POLR1C: variants seen among roughly 807,000 people sequenced by gnomAD.
The protein encoded by POLR1C is DNA-directed RNA polymerases I and III subunit RPAC1.
Under a neutral mutation model 38.3 loss-of-function variants are expected in POLR1C, and 42 were observed. The observed-to-expected ratio is 1.10, with a 90% CI of 0.86 to 1.42. The LOEUF is 1.42. POLR1C is among the 40% of genes most tolerant of loss of function. The pLI is 0.00. For missense variants in POLR1C, 507 were observed against 450.5 expected, an observed-to-expected ratio of 1.13 and a Z score of -1.14; for synonymous variants, 163 against 163.9, an observed-to-expected ratio of 0.99 and a Z score of 0.04.
At chr6:43,531,382 C>G, downstream of POLR1C, 1 of 1,122,124 alleles carries the variant, frequency 8.9e-7, no homozygotes, top group Non-Finnish European at 1.3e-6. Context: ...TCTTGCCTCG[C>G]CTTACCTGTA....
intron 9 of POLR1C, among the ~76,000 whole-genome samples, chr6:43,536,758 TAAAAAAAAAAAAAAAAA>T (rs1156884252): frequency 5.2e-5 from 1 of 19,100 alleles, no homozygotes; most frequent in Non-Finnish European, 8.6e-5. Context: ...AGACTCTATC[TAAAAAAAAAAAAAAAAA>T]AAAAAAAAAA....
intron 9 of POLR1C, among the ~76,000 whole-genome samples, chr6:43,544,549 G>T (rs543854509): frequency 1.3e-5 from 2 of 152,164 alleles, no homozygotes; most frequent in Non-Finnish European, 2.9e-5. Flanking sequence ...GCCTAAAAAG[G>T]TCTAGGTGAT....
exon 11 of POLR1C, chr6:43,562,000 G>A (rs1762442428): frequency 3.0e-6 from 1 of 334,458 alleles, no homozygotes. Flanking sequence ...AACCAACGTT[G>A]ACTTTATGGA....
At chr6:43,536,417 C>CAA (rs34540299) in intron 9 of POLR1C, among the ~76,000 whole-genome samples, 10 of 137,448 alleles carry the variant, frequency 7.3e-5, no homozygotes, top group Non-Finnish European at 1.2e-4. Context: ...TCCAACTCGA[C>CAA]AAAAAAAAAA....
intron 9 of POLR1C, among the ~76,000 whole-genome samples, chr6:43,535,813 CAA>C (rs60341205): frequency 3.3e-4 from 24 of 71,796 alleles, no homozygotes; most frequent in Admixed American, 4.8e-4. Context: ...GACTCCATCT[CAA>C]AAAAAAAAAA....
At chr6:43,548,145 A>C in intron 9 of POLR1C, 1 of 1,046,514 alleles carries the variant, frequency 9.6e-7, no homozygotes, top group Non-Finnish European at 1.4e-6. Flanking sequence ...TTCAGATATC[A>C]TGGATAATGC....
downstream of POLR1C, chr6:43,531,465 C>G: frequency 6.2e-7 from 1 of 1,606,424 alleles, no homozygotes; most frequent in Non-Finnish European, 8.5e-7. Flanking sequence ...GGAGAGGCAG[C>G]ATTGGTTCCT....
intron 10 of POLR1C, among the ~76,000 whole-genome samples, chr6:43,559,721 C>G (rs985656295): frequency 1.3e-5 from 2 of 152,196 alleles, no homozygotes; most frequent in African/African-American, 4.8e-5. Flanking sequence ...GTTATAATAA[C>G]CAGTAAGGAC....
chr6:43,519,616 T>G (rs748812153), intron 3 of POLR1C, 90 bp from the exon 4 acceptor site: 6 of 1,557,388 alleles, frequency 3.9e-6, no homozygotes, highest in Non-Finnish European at 5.3e-6. Context: ...GGAAGAGAGA[T>G]AGCTCCCTAC....
intron 9 of POLR1C, chr6:43,549,432 GATT>G: frequency 6.6e-7 from 1 of 1,512,216 alleles, no homozygotes; most frequent in Admixed American, 2.1e-5. Flanking sequence ...CTGAAAGCTG[GATT>G]TACACACAAA....
intron 10 of POLR1C, among the ~76,000 whole-genome samples, chr6:43,557,141 A>ATCAAGTACTGATAAATGTTGTAACTTGG (rs1219810973): frequency 6.9e-6 from 1 of 145,718 alleles, no homozygotes; most frequent in African/African-American, 2.6e-5. Flanking sequence ...AAAAAAAAAA[A>ATCAAGTACTGATAAATGTTGTAACTTGG]AAAGGCTGGG....
chr6:43,527,410 T>C (rs1460932987), intron 8 of POLR1C: 4 of 411,764 alleles, frequency 9.7e-6, no homozygotes, highest in Non-Finnish European at 1.8e-5. Context: ...TAGCTGGGAC[T>C]ACAGGCCTGC....
intron 7 of POLR1C, 65 bp downstream of exon 7, chr6:43,520,839 A>G (rs907156179): frequency 1.2e-6 from 2 of 1,606,310 alleles, no homozygotes; most frequent in Middle Eastern, 1.6e-4. Context: ...GGTGACAGAA[A>G]TAAAAACCCT....
At chr6:43,548,843 C>T (rs948900466) in intron 9 of POLR1C, among the ~76,000 whole-genome samples, 1 of 151,766 alleles carries the variant, frequency 6.6e-6, no homozygotes, top group African/African-American at 2.4e-5. Flanking sequence ...TAACCCCATG[C>T]CCCAAAAAGG....
chr6:43,550,090 A>G (rs1338436983), intron 9 of POLR1C, among the ~76,000 whole-genome samples: 1 of 152,136 alleles, frequency 6.6e-6, no homozygotes, highest in Non-Finnish European at 1.5e-5. Flanking sequence ...GCTTATTCAT[A>G]CTGTCCATTT....
In POLR1C at chr6:43,521,368, C is replaced by T. The variant is rs1045945516; in HGVS notation, c.*68C>T. 2.5e-6 allele frequency: 4 copies of T among 1,609,856 alleles called. No homozygotes were observed. Among genetic ancestry groups the T allele is most frequent in the South Asian group, 2.2e-5 (2 of 90,396 alleles). On this transcript the variant is annotated 3_prime_UTR_variant, in exon 9 of 9. Transcript: ENST00000642195. ...TGACCCACCCTACAGGACTGCTGAA[C>T]AGAGAGCCCAGTGTGACTAGGGATC... is the stretch of plus-strand genomic sequence containing the variant.
intron 2 of POLR1C, among the ~76,000 whole-genome samples, chr6:43,517,607 T>C (rs921432621): frequency 6.6e-6 from 1 of 152,012 alleles, no homozygotes; most frequent in Non-Finnish European, 1.5e-5. Context: ...GAATCTAGTG[T>C]AATATGGTGA....
chr6:43,556,702 A>G (rs1414699580), intron 10 of POLR1C, among the ~76,000 whole-genome samples: 1 of 152,222 alleles, frequency 6.6e-6, no homozygotes, highest in Non-Finnish European at 1.5e-5. Flanking sequence ...TTATATCTAA[A>G]CAAAACCTTG....
intron 9 of POLR1C, among the ~76,000 whole-genome samples, chr6:43,538,082 CAAAAAAAAA>C (rs1217531011): frequency 2.8e-5 from 1 of 36,130 alleles, no homozygotes; most frequent in African/African-American, 8.1e-5. Flanking sequence ...AAGATGGTCT[CAAAAAAAAA>C]AAAAAAAAAA....
Sources: allele counts gnomAD v4.1 joint callset (sites outside exome capture counted in the v4.1 genomes callset), GRCh38; gene constraint gnomAD v4.1.1; transcripts MANE v1.5; gene names NCBI Gene and HGNC (gene_info 2026-07-23, HGNC 2026-07-21).